Variants in ABTB3 observed in about 807,000 individuals in gnomAD.
ABTB3 encodes the protein ankyrin repeat- and BTB/POZ domain-containing protein 3.
At chr12:107,366,673 A>C in the ABTB3 span, among the ~76,000 whole-genome samples, 2 of 152,234 alleles carry the variant, frequency 1.3e-5, no homozygotes, top group Admixed American at 6.5e-5. Flanking sequence ...GAGATTTAGC[A>C]AACATGGTTT....
At chr12:107,394,132 A>G in the ABTB3 span, among the ~76,000 whole-genome samples, 16 of 152,104 alleles carry the variant, frequency 1.1e-4, no homozygotes, top group African/African-American at 3.9e-4. Flanking sequence ...CCCATCAATC[A>G]TCACCCAAAC....
At chr12:107,629,748 C>T in the ABTB3 span, among the ~76,000 whole-genome samples, 1 of 152,150 alleles carries the variant, frequency 6.6e-6, no homozygotes. Flanking sequence ...ATGTGCTGCT[C>T]AGAGAATCCA....
At chr12:107,562,985 G>A in the ABTB3 span, among the ~76,000 whole-genome samples, 2 of 152,200 alleles carry the variant, frequency 1.3e-5, no homozygotes, top group Admixed American at 1.3e-4. Context: ...CCTAACGCCA[G>A]TCTGACATTT....
the ABTB3 span, among the ~76,000 whole-genome samples, chr12:107,508,447 T>TGTTTTG: frequency 9.3e-6 from 1 of 107,306 alleles, no homozygotes; most frequent in African/African-American, 4.2e-5. Flanking sequence ...TCTTTTTTTT[T>TGTTTTG]TTTTTTTTTT....
At chr12:107,543,312 C>G in the ABTB3 span, among the ~76,000 whole-genome samples, 27 of 139,706 alleles carry the variant, frequency 1.9e-4, no homozygotes, top group African/African-American at 7.3e-4. Context: ...GCACTCCAGC[C>G]TGGGCAACAG....
At chr12:107,336,554 T>C in the ABTB3 span, among the ~76,000 whole-genome samples, 2 of 152,308 alleles carry the variant, frequency 1.3e-5, no homozygotes, top group African/African-American at 4.8e-5. Flanking sequence ...AAGCACTTAG[T>C]GTGTGGCAGT....
the ABTB3 span, among the ~76,000 whole-genome samples, chr12:107,365,331 C>G: frequency 3.7e-3 from 556 of 152,218 alleles, 4 homozygotes; most frequent in African/African-American, 0.013. Context: ...ACTTGCTCAT[C>G]TGTAAAATGG....
chr12:107,528,888 G>GATGATGGTGATGGTGATA, the ABTB3 span, among the ~76,000 whole-genome samples: 1 of 150,858 alleles, frequency 6.6e-6, no homozygotes, highest in Non-Finnish European at 1.5e-5. Flanking sequence ...TGATGGAGAT[G>GATGATGGTGATGGTGATA]ATGATGGTGA....
chr12:107,635,028 G>A, the ABTB3 span: 28 of 334,296 alleles, frequency 8.4e-5, no homozygotes, highest in Admixed American at 2.9e-4. Flanking sequence ...AGTAGGTAGC[G>A]AATCATGAGG....
At chr12:107,607,340 G>A in the ABTB3 span, among the ~76,000 whole-genome samples, 1 of 152,166 alleles carries the variant, frequency 6.6e-6, no homozygotes, top group East Asian at 1.9e-4. Context: ...TGCCCTAGAA[G>A]CTCAGGTCTC....
the ABTB3 span, among the ~76,000 whole-genome samples, chr12:107,575,877 G>A: frequency 7.2e-5 from 11 of 152,104 alleles, no homozygotes; most frequent in African/African-American, 2.4e-4. Flanking sequence ...GGGGTGGGAG[G>A]CATTCTTCAG....
the ABTB3 span, among the ~76,000 whole-genome samples, chr12:107,356,086 C>G: frequency 6.6e-6 from 1 of 152,184 alleles, no homozygotes; most frequent in Admixed American, 6.5e-5. Context: ...AAACACATAA[C>G]TCACAATAAA....
At chr12:107,339,262 GCAGAGGCTTAAGCCC>G in the ABTB3 span, among the ~76,000 whole-genome samples, 1 of 152,130 alleles carries the variant, frequency 6.6e-6, no homozygotes, top group African/African-American at 2.4e-5. Context: ...AAACACAAGT[GCAGAGGCTTAAGCCC>G]CACATGCCTC....
the ABTB3 span, among the ~76,000 whole-genome samples, chr12:107,320,792 C>G: frequency 6.6e-6 from 1 of 152,168 alleles, no homozygotes; most frequent in Non-Finnish European, 1.5e-5. Flanking sequence ...TTCCCTCTGG[C>G]AGGGAGCTGC....
chr12:107,544,169 G>T, the ABTB3 span: 4 of 1,606,548 alleles, frequency 2.5e-6, no homozygotes, highest in Non-Finnish European at 3.4e-6. Flanking sequence ...GCCTTGTGGT[G>T]GGTGGGTACT....
chr12:107,492,509 C>T, the ABTB3 span, among the ~76,000 whole-genome samples: 1 of 152,180 alleles, frequency 6.6e-6, no homozygotes, highest in Non-Finnish European at 1.5e-5. Context: ...CTGCCATACT[C>T]ACAGGCTTCT....
chr12:107,391,535 A>G, the ABTB3 span, among the ~76,000 whole-genome samples: 1 of 152,232 alleles, frequency 6.6e-6, no homozygotes, highest in South Asian at 2.1e-4. Flanking sequence ...TAAGGGAATG[A>G]TCACCTGAAT....
the ABTB3 span, among the ~76,000 whole-genome samples, chr12:107,508,855 T>G: frequency 0.4 from 60,781 of 152,050 alleles, 12,986 homozygotes; most frequent in African/African-American, 0.54. Flanking sequence ...TCACTACTGT[T>G]TAGGGGACAA....
chr12:107,363,684 TTTC>T, the ABTB3 span, among the ~76,000 whole-genome samples: 1 of 152,218 alleles, frequency 6.6e-6, no homozygotes, highest in Non-Finnish European at 1.5e-5. Flanking sequence ...TAGGCTGTTT[TTTC>T]TTCTATTTTT....
Sources: gnomAD v4.1 joint callset for allele counts (sites outside exome capture counted in the v4.1 genomes callset) on GRCh38, gnomAD v4.1.1 for gene constraint, MANE v1.5 for transcripts, NCBI Gene and HGNC (gene_info 2026-07-23, HGNC 2026-07-21) for gene names.